Variants in XCL1 observed in about 807,000 individuals in gnomAD.
The protein encoded by XCL1 is X-C motif chemokine ligand 1, also known as lymphotactin.
A neutral mutation model predicts 7.4 loss-of-function variants in XCL1; 6 were observed. The observed-to-expected ratio is 0.82, with a 90% confidence interval of 0.45 to 1.61. The LOEUF (loss-of-function observed/expected upper bound fraction) is 1.61. Ranked by LOEUF, XCL1 falls within the 40% of genes most tolerant of loss-of-function variation. XCL1 has a pLI of 0.01. For synonymous variants in XCL1, 48 were observed against 52.4 expected (o/e 0.92, Z 0.36); for missense variants, 122 against 138.2 (o/e 0.88, Z 0.59).
chr1:168,579,563 A>G (rs1212927156), intron 1 of XCL1: 1 of 173,236 alleles, frequency 5.8e-6, no homozygotes, highest in African/African-American at 2.4e-5. Flanking sequence ...CTCTTCACGC[A>G]TTACTCTGTC....
At position 168,580,142 on chromosome 1, in the gene XCL1, C is replaced by T. The variant is rs771422705; in HGVS notation, c.141C>T (p.Thr47=). 5.6e-6 allele frequency: 9 copies of T among 1,613,930 alleles called. No individual in the cohort carries two copies. The highest frequency in any genetic ancestry group is 7.6e-6 in the Non-Finnish European group (9 of 1,179,878). ...TQRLPVSRIK[T]YTITEGSLRA... ...GACTGCCGGTTAGCAGAATCAAGAC[C>T]TACACCATCACGGAAGGCTCCTTGA... Residue 47 remains threonine (T), a synonymous_variant, in exon 2 of 3, where the codon ACC becomes ACT. Transcript: ENST00000367818.
At position 168,576,629 on chromosome 1, in the gene XCL1, A is replaced by G. The variant is rs1655029754; in HGVS notation, c.-9A>G. On this transcript the variant is annotated 5_prime_UTR_variant, in exon 1 of 3. Coordinates refer to ENST00000367818, the MANE Select transcript of XCL1 (RefSeq NM_002995.3). The stretch of plus-strand genomic sequence containing the variant: ...CACTCTCCTTGCACAGCTCAGCAGG[A>G]CCTCAGCCATGAGACTTCTCATCCT... 15 of 1,613,388 alleles carry G rather than the reference A, an allele frequency of 9.3e-6. No homozygotes were observed. The highest frequency in any genetic ancestry group is 1.3e-5 in the Non-Finnish European group (15 of 1,179,594).
intron 1 of XCL1, chr1:168,579,137 A>G (rs570366574): frequency 6.3e-5 from 26 of 412,608 alleles, no homozygotes; most frequent in African/African-American, 3.8e-4. Context: ...GTACTTGTGG[A>G]TCAGCTTAAG....
rs111741548 is a variant in XCL1, at chr1:168,579,466, T to C, written c.62-597T>C. The C allele has an allele frequency of 5.1e-3, 928 of 183,196 alleles. 9 individuals are homozygous for C. The highest frequency in any genetic ancestry group is 0.021 in the African/African-American group (865 of 42,000). 11.3% of individuals were successfully genotyped at this position (183,196 alleles called of 1,614,324 possible). A position where few individuals can be genotyped will look rare whatever the true frequency, so the allele number is the denominator to read the frequency against. ...CTTAGGCAGCTGACAGAGAGAGACA[T>C]TTGACCATTTAAAAAGGAGAACACC... On this transcript the variant is annotated intron_variant, in intron 1 of 2. Coordinates refer to ENST00000367818, the MANE Select transcript of XCL1 (RefSeq NM_002995.3).
At position 168,581,116 on chromosome 1, in the gene XCL1, G is replaced by A; in HGVS notation, c.241G>A (p.Val81Ile). 2.5e-6 allele frequency: 4 copies of A among 1,613,842 alleles called. No homozygotes were observed. Among genetic ancestry groups the A allele is most frequent in the Non-Finnish European group, 3.4e-6 (4 of 1,179,792 alleles). ...DPQATWVRDV[V>I]RSMDRKSNTR... ...ACAAGCCACATGGGTGAGAGACGTG[G>A]TCAGGAGCATGGACAGGAAATCCAA... The change falls in exon 3 of 3, where the codon GTC (valine) becomes ATC (isoleucine). Residue 81 changes from valine to isoleucine, a missense_variant. By Grantham distance (29) the Val-to-Ile change is conservative. Transcript: ENST00000367818.
At chr1:168,577,824 G>A (rs572669905) in intron 1 of XCL1, among the ~76,000 whole-genome samples, 1 of 152,286 alleles carries the variant, frequency 6.6e-6, no homozygotes, top group Admixed American at 6.5e-5. Flanking sequence ...GAGAAGAACT[G>A]CAGACACTGG....
At position 168,580,059 on chromosome 1, in the gene XCL1, C is replaced by G; in HGVS notation, c.62-4C>G. 1 of 1,591,718 alleles carries G rather than the reference C, an allele frequency of 6.3e-7. No individual in the cohort carries two copies. The highest frequency in any genetic ancestry group is 8.6e-7 in the Non-Finnish European group (1 of 1,163,298). On this transcript the variant is annotated splice_polypyrimidine_tract_variant and splice_region_variant and intron_variant, in intron 1 of 2. Coordinates refer to ENST00000367818, the MANE Select transcript of XCL1 (RefSeq NM_002995.3). ...ATTGTCTGTTGTTTTTTTTTCCTCA[C>G]CAGGTGTAGGGAGTGAAGTCTCAGA... is the stretch of plus-strand genomic sequence containing the variant.
intron 1 of XCL1, among the ~76,000 whole-genome samples, chr1:168,579,805 G>T (rs56247777): frequency 0.017 from 2,567 of 152,006 alleles, 68 homozygotes; most frequent in African/African-American, 0.059. Flanking sequence ...CACAGAGACG[G>T]GATAACATCT....
At position 168,580,046 on chromosome 1, in the gene XCL1, T is replaced by G. The variant is rs756115958; in HGVS notation, c.62-17T>G. ...TGCTTTATTTTTAATTGTCTGTTGT[T>G]TTTTTTTCCTCACCAGGTGTAGGGA... On this transcript the variant is annotated splice_polypyrimidine_tract_variant and intron_variant, in intron 1 of 2. Coordinates refer to ENST00000367818, the MANE Select transcript of XCL1 (RefSeq NM_002995.3). 6 of 1,602,370 alleles carry G rather than the reference T, an allele frequency of 3.7e-6. No individual in the cohort carries two copies. The highest frequency in any genetic ancestry group is 3.4e-6 in the Non-Finnish European group (4 of 1,173,208).
intron 2 of XCL1, among the ~76,000 whole-genome samples, chr1:168,580,426 C>T (rs781716056): frequency 1.3e-4 from 20 of 152,208 alleles, no homozygotes; most frequent in Non-Finnish European, 2.5e-4. Flanking sequence ...GTGGAAGAGT[C>T]TGTTGAATAC....
chr1:168,577,580 A>G (rs1655052036), intron 1 of XCL1, among the ~76,000 whole-genome samples: 1 of 152,164 alleles, frequency 6.6e-6, no homozygotes, highest in African/African-American at 2.4e-5. Flanking sequence ...TATTACTTAG[A>G]CTATGATATT....
Position 168,580,114 on chromosome 1 carries a change from A to C in XCL1, c.113A>C (p.Gln38Pro), listed in dbSNP as rs760690733. 4.3e-6 allele frequency: 7 copies of C among 1,613,326 alleles called. No individual in the cohort carries two copies. The highest frequency in any genetic ancestry group is 5.9e-6 in the Non-Finnish European group (7 of 1,179,672). ...AGGACCTGTGTGAGCCTCACTACCC[A>C]GCGACTGCCGGTTAGCAGAATCAAG... is the stretch of plus-strand genomic sequence containing the variant. ...DKRTCVSLTTQRLPVSRIKTY... is the reference protein window; with the variant it reads ...DKRTCVSLTTPRLPVSRIKTY... The change falls in exon 2 of 3, where the codon CAG becomes CCG. Residue 38 changes from glutamine (Q) to proline (P), a missense_variant. Coordinates refer to ENST00000367818, the MANE Select transcript of XCL1 (RefSeq NM_002995.3).
chr1:168,576,683 G>T lies in XCL1; in HGVS notation c.46G>T (p.Ala16Ser). 6.2e-7 allele frequency: 1 copy of T among 1,613,724 alleles called. No homozygotes were observed. Among genetic ancestry groups the T allele is most frequent in the African/African-American group, 1.3e-5 (1 of 74,964 alleles). Reference protein sequence around the residue: ...LALLGICSLTAYIVEGVGSEV... With the variant: ...LALLGICSLTSYIVEGVGSEV... ...CCTCCTTGGCATCTGCTCTCTCACT[G>T]CATACATTGTGGAAGGTAAGTGGAG... Residue 16 changes from alanine to serine, a missense_variant, in exon 1 of 3, where the codon GCA becomes TCA. Ala to Ser is a moderately conservative substitution (Grantham distance 99). Transcript: ENST00000367818.
Position 168,581,324 on chromosome 1 carries a change from A to C in XCL1, c.*104A>C, listed in dbSNP as rs1572579844. 4 of 1,416,482 alleles carry C rather than the reference A, an allele frequency of 2.8e-6. No individual in the cohort carries two copies. In the East Asian group the frequency reaches 7.2e-5, roughly 25 times the overall value. The allele number at this position is 1,416,482 out of a possible 1,614,324, so 87.7% of individuals were successfully genotyped here. A position where few individuals can be genotyped will look rare whatever the true frequency, so the allele number is the denominator to read the frequency against. ...CTTTTATGAAAGCACTGCATGAATA[A>C]AATTATTCCTTTGTATTTTTACTTT... On this transcript the variant is annotated 3_prime_UTR_variant, in exon 3 of 3. Coordinates refer to ENST00000367818, the MANE Select transcript of XCL1 (RefSeq NM_002995.3).
chr1:168,579,903 G>A (rs569506553), intron 1 of XCL1, among the ~76,000 whole-genome samples, 160 bp from the exon 2 acceptor site: 31 of 152,212 alleles, frequency 2.0e-4, no homozygotes, highest in African/African-American at 5.5e-4. Context: ...AATCTGTGAC[G>A]GGCAAGAGAT....
chr1:168,580,265 A>C, intron 2 of XCL1, 88 bp downstream of exon 2: 1 of 1,455,340 alleles, frequency 6.9e-7, no homozygotes. Context: ...CCTCAGGAAA[A>C]GTAGGTCAGC....
rs1241346548 is a variant in XCL1, at chr1:168,581,714, G to A, written c.*494G>A. On this transcript the variant is annotated 3_prime_UTR_variant, in exon 3 of 3. Coordinates refer to ENST00000367818, the MANE Select transcript of XCL1 (RefSeq NM_002995.3). The stretch of plus-strand genomic sequence containing the variant: ...AGTCTTCACTGGGTTCCCATTCTGA[G>A]GGTCCACTACTCAAAAATTTGCTTC... The A allele has an allele frequency of 6.6e-6, 1 of 152,184 alleles. No homozygotes were observed. Among genetic ancestry groups the A allele is most frequent in the African/African-American group, 2.4e-5 (1 of 41,442 alleles). The allele number at this position is 152,184 out of a possible 1,614,324, so 9.4% of individuals were successfully genotyped here. A position where few individuals can be genotyped will look rare whatever the true frequency, so the allele number is the denominator to read the frequency against.
chr1:168,576,687 A>G lies in XCL1; in HGVS notation c.50A>G (p.Tyr17Cys), dbSNP rs1271371746. ...CTTGGCATCTGCTCTCTCACTGCAT[A>G]CATTGTGGAAGGTAAGTGGAGAAGC... Reference protein sequence around the residue: ...ALLGICSLTAYIVEGVGSEVS... With the variant: ...ALLGICSLTACIVEGVGSEVS... The change falls in exon 1 of 3, where the codon TAC becomes TGC. Residue 17 changes from tyrosine (Y) to cysteine (C), a missense_variant. Physicochemically the swap from Tyr to Cys is radical, Grantham distance 194. Coordinates refer to ENST00000367818, the MANE Select transcript of XCL1 (RefSeq NM_002995.3). 6.2e-7 allele frequency: 1 copy of G among 1,613,736 alleles called. No homozygotes were observed. The highest frequency in any genetic ancestry group is 8.5e-7 in the Non-Finnish European group (1 of 1,179,810).
intron 1 of XCL1, among the ~76,000 whole-genome samples, chr1:168,576,978 A>G (rs1397673901): frequency 6.6e-6 from 1 of 152,194 alleles, no homozygotes; most frequent in Non-Finnish European, 1.5e-5. Context: ...TTTATGTATA[A>G]CTGAATAGTA....
Sources: allele counts gnomAD v4.1 joint callset (sites outside exome capture counted in the v4.1 genomes callset), GRCh38; gene constraint gnomAD v4.1.1; transcripts MANE v1.5; gene names NCBI Gene and HGNC (gene_info 2026-07-23, HGNC 2026-07-21).